Variants in IRAK2 observed in about 807,000 individuals in gnomAD.
IRAK2 encodes interleukin-1 receptor-associated kinase-like 2.
In IRAK2, 57 loss-of-function variants were observed where a neutral mutation model predicts 72.0. The observed-to-expected ratio is 0.79, with a 90% confidence interval of 0.64 to 0.99. IRAK2 has a LOEUF of 0.99. Among genes scored for constraint, IRAK2 ranks in the 50% least tolerant of loss-of-function variants. IRAK2 has a pLI of 0.00. For missense variants in IRAK2, 790 were observed against 794.4 expected, an observed-to-expected ratio of 0.99 and a Z score of 0.07; for synonymous variants, 293 against 312.7, an observed-to-expected ratio of 0.94 and a Z score of 0.67.
At chr3:10,184,145 T>C (rs1010739246) in intron 2 of IRAK2, among the ~76,000 whole-genome samples, 1 of 152,208 alleles carries the variant, frequency 6.6e-6, no homozygotes, top group African/African-American at 2.4e-5. Flanking sequence ...ACACTCCACT[T>C]CTTTTAAGGA....
intron 11 of IRAK2, among the ~76,000 whole-genome samples, chr3:10,236,915 T>C (rs111308687): frequency 0.016 from 2,375 of 152,332 alleles, 53 homozygotes; most frequent in African/African-American, 0.051. Context: ...TGCCACAGTA[T>C]TGGGGACCCA....
intron 2 of IRAK2, among the ~76,000 whole-genome samples, chr3:10,181,076 T>G (rs916720986): frequency 2.6e-5 from 4 of 151,946 alleles, no homozygotes; most frequent in African/African-American, 4.8e-5. Flanking sequence ...TCCTCTTGAG[T>G]CATGGTCCTC....
intron 10 of IRAK2, among the ~76,000 whole-genome samples, chr3:10,231,568 C>T (rs983536024): frequency 1.3e-5 from 2 of 152,118 alleles, no homozygotes; most frequent in Non-Finnish European, 2.9e-5. Flanking sequence ...GTTGGGATTA[C>T]AGGTGTGAGC....
chr3:10,238,270 A>G (rs1025059407), intron 11 of IRAK2, among the ~76,000 whole-genome samples: 1 of 152,082 alleles, frequency 6.6e-6, no homozygotes, highest in Admixed American at 6.6e-5. Flanking sequence ...AGGTACAGCC[A>G]TTGTGTCTCT....
intron 10 of IRAK2, among the ~76,000 whole-genome samples, chr3:10,231,811 G>A (rs1336122018): frequency 2.0e-5 from 3 of 152,036 alleles, no homozygotes; most frequent in Non-Finnish European, 2.9e-5. Flanking sequence ...CACCACGCCC[G>A]GGCATGGTTA....
intron 2 of IRAK2, among the ~76,000 whole-genome samples, chr3:10,188,186 G>A (rs571067725): frequency 9.8e-5 from 15 of 152,316 alleles, no homozygotes; most frequent in Middle Eastern, 6.8e-3. Flanking sequence ...TGCTGAGCCT[G>A]TAGATGGTGG....
At chr3:10,222,871 GA>G in intron 9 of IRAK2, 40 bp downstream of exon 9, 1 of 1,562,434 alleles carries the variant, frequency 6.4e-7, no homozygotes, top group Non-Finnish European at 8.8e-7. Context: ...GGCCCACCTT[GA>G]TTTGTCCTTC....
Position 10,200,461 on chromosome 3 carries a change from G to C in IRAK2, c.370G>C (p.Glu124Gln). Residue 124 changes from glutamate to glutamine, a missense_variant, in exon 3 of 13, where the codon GAG (glutamate) becomes CAG (glutamine). Physicochemically the swap from Glu to Gln is conservative, Grantham distance 29. Coordinates refer to ENST00000256458, the MANE Select transcript of IRAK2 (RefSeq NM_001570.4). The part of the protein sequence containing the change: ...KPLAASVRKA[E>Q]DEQEEGQPVR... ...TTTGGCAGCTTCTGTAAGAAAGGCT[G>C]AGGATGAACAGGAAGAGGGGCAGCC... 6.2e-7 allele frequency: 1 copy of C among 1,607,682 alleles called. No homozygotes were observed. Among genetic ancestry groups the C allele is most frequent in the Non-Finnish European group, 8.5e-7 (1 of 1,174,752 alleles).
intron 2 of IRAK2, among the ~76,000 whole-genome samples, chr3:10,191,310 C>A (rs1051699121): frequency 8.6e-5 from 13 of 150,740 alleles, no homozygotes; most frequent in Non-Finnish European, 1.6e-4. Context: ...AAAAAAAATC[C>A]ACTGGCTAGA....
At chr3:10,199,620 G>C (rs1697322948) in intron 2 of IRAK2, among the ~76,000 whole-genome samples, 1 of 152,126 alleles carries the variant, frequency 6.6e-6, no homozygotes, top group Admixed American at 6.6e-5. Flanking sequence ...TTAGAGGGAT[G>C]GTGTCTTTGA....
At chr3:10,216,021 G>C (rs1377982858) in intron 6 of IRAK2, among the ~76,000 whole-genome samples, 1 of 152,210 alleles carries the variant, frequency 6.6e-6, no homozygotes, top group Non-Finnish European at 1.5e-5. Context: ...GCAAAAGCGA[G>C]TAATAGGATG....
chr3:10,221,115 G>A (rs926131418), intron 8 of IRAK2, among the ~76,000 whole-genome samples: 16 of 150,914 alleles, frequency 1.1e-4, no homozygotes, highest in Middle Eastern at 3.4e-3. Context: ...TTTTTTGGCC[G>A]GGCGCGGTGG....
intron 2 of IRAK2, among the ~76,000 whole-genome samples, chr3:10,184,951 G>GGTCT (rs1697029341): frequency 6.7e-6 from 1 of 149,664 alleles, no homozygotes; most frequent in East Asian, 2.0e-4. Flanking sequence ...GTTAGCCAGG[G>GGTCT]TGATCTCCTG....
intron 2 of IRAK2, among the ~76,000 whole-genome samples, chr3:10,194,614 C>T (rs117614446): frequency 1.3e-4 from 20 of 152,186 alleles, no homozygotes; most frequent in East Asian, 7.7e-4. Flanking sequence ...GTGGGCGTTG[C>T]GTCTTTCTAG....
chr3:10,216,544 G>A (rs1697607713), intron 6 of IRAK2, among the ~76,000 whole-genome samples: 1 of 152,076 alleles, frequency 6.6e-6, no homozygotes, highest in African/African-American at 2.4e-5. Flanking sequence ...AGGAGGGAAT[G>A]GTGACTGAGA....
At chr3:10,223,111 T>G (rs1413522613) in intron 9 of IRAK2, among the ~76,000 whole-genome samples, 1 of 152,202 alleles carries the variant, frequency 6.6e-6, no homozygotes, top group Non-Finnish European at 1.5e-5. Context: ...ATATTTACTG[T>G]GTGGCGTGTT....
rs578184295 is a variant in IRAK2 at position 10,197,151 on chromosome 3, G to A, written c.278-3218G>A. ...CCAGCACTTTGGGAGGCCGAGGCAG[G>A]TTGATCACTTGAGGTCAGGAGTTCA... On this transcript the variant is annotated intron_variant, in intron 2 of 12. Coordinates refer to ENST00000256458, the MANE Select transcript of IRAK2 (RefSeq NM_001570.4). 7.2e-5 allele frequency among the ~76,000 whole-genome samples: 11 copies of A among 152,092 alleles called. No homozygotes were observed. The South Asian group carries it at 2.3e-3, about 32-fold the overall frequency.
intron 1 of IRAK2, among the ~76,000 whole-genome samples, chr3:10,172,695 G>A (rs1380094943): frequency 2.7e-5 from 4 of 146,078 alleles, no homozygotes; most frequent in African/African-American, 1.0e-4. Context: ...AAAATTAGCT[G>A]GGCATGGTGG....
intron 6 of IRAK2, 69 bp from the exon 7 acceptor site, chr3:10,216,865 G>A (rs1697612178): frequency 3.4e-6 from 4 of 1,175,722 alleles, no homozygotes; most frequent in South Asian, 1.2e-5. Context: ...CAGAAGAGGG[G>A]TGGGACATGA....
Sources: gnomAD v4.1 joint callset for allele counts (sites outside exome capture counted in the v4.1 genomes callset) on GRCh38, gnomAD v4.1.1 for gene constraint, MANE v1.5 for transcripts, NCBI Gene and HGNC (gene_info 2026-07-23, HGNC 2026-07-21) for gene names.